Variants in SLC44A5 observed in about 807,000 individuals in gnomAD.
The protein encoded by SLC44A5 is solute carrier family 44 member 5, also known as choline transporter-like protein 5.
In SLC44A5, 57 loss-of-function variants were observed where a neutral mutation model predicts 101.8. That is an observed-to-expected ratio of 0.56 (90% CI 0.45 to 0.70). SLC44A5 has a LOEUF of 0.70. SLC44A5 is among the 30% of genes least tolerant of loss of function. SLC44A5 has a pLI of 0.00. For missense variants in SLC44A5, 737 were observed against 853.1 expected, an observed-to-expected ratio of 0.86 and a Z score of 1.70; for synonymous variants, 281 against 290.9, an observed-to-expected ratio of 0.97 and a Z score of 0.35.
chr1:75,620,935 T>C, the SLC44A5 span, among the ~76,000 whole-genome samples: 2 of 152,316 alleles, frequency 1.3e-5, no homozygotes, highest in East Asian at 3.9e-4. Flanking sequence ...TGGTACTGCC[T>C]ACATTTTTTT....
At chr1:75,687,314 C>A in the SLC44A5 span, among the ~76,000 whole-genome samples, 5 of 152,070 alleles carry the variant, frequency 3.3e-5, no homozygotes, top group African/African-American at 1.2e-4. Flanking sequence ...TTCCAGAAAT[C>A]TTTTTTTCAT....
intron 4 of SLC44A5, among the ~76,000 whole-genome samples, chr1:75,313,337 A>G (rs1655452036): frequency 1.3e-5 from 2 of 152,210 alleles, no homozygotes; most frequent in African/African-American, 4.8e-5. Context: ...ACCAGATCCT[A>G]TATTTGTCTC....
At chr1:75,297,798 A>AC (rs1654083021) in intron 5 of SLC44A5, among the ~76,000 whole-genome samples, 1 of 152,182 alleles carries the variant, frequency 6.6e-6, no homozygotes, top group African/African-American at 2.4e-5. Flanking sequence ...GATTACTTCT[A>AC]CCCAGACGCC....
chr1:75,709,250 T>C, the SLC44A5 span, among the ~76,000 whole-genome samples: 2 of 152,218 alleles, frequency 1.3e-5, no homozygotes, highest in African/African-American at 4.8e-5. Context: ...ATACTTCCAG[T>C]TCAACATCAG....
chr1:75,296,993 T>A (rs985352321), intron 5 of SLC44A5, among the ~76,000 whole-genome samples: 1 of 152,144 alleles, frequency 6.6e-6, no homozygotes, highest in African/African-American at 2.4e-5. Context: ...ACACTAATTA[T>A]CCCTGGGAGC....
At chr1:75,480,686 C>T (rs1368341909) in intron 2 of SLC44A5, among the ~76,000 whole-genome samples, 2 of 151,978 alleles carry the variant, frequency 1.3e-5, no homozygotes, top group Non-Finnish European at 2.9e-5. Flanking sequence ...CCTAGGAATC[C>T]ACCTTACAAG....
chr1:75,554,014 C>A (rs1672084626), intron 1 of SLC44A5, among the ~76,000 whole-genome samples: 1 of 152,094 alleles, frequency 6.6e-6, no homozygotes, highest in African/African-American at 2.4e-5. Context: ...ACAGCCACAG[C>A]TGGGATAAGA....
At chr1:75,664,915 C>T in the SLC44A5 span, among the ~76,000 whole-genome samples, 4 of 120,850 alleles carry the variant, frequency 3.3e-5, no homozygotes, top group Admixed American at 8.8e-5. Context: ...AGCAAGATTC[C>T]GTCTCAAAAA....
At chr1:75,410,199 A>G (rs1252574867) in intron 2 of SLC44A5, among the ~76,000 whole-genome samples, 1 of 152,146 alleles carries the variant, frequency 6.6e-6, no homozygotes, top group Non-Finnish European at 1.5e-5. Flanking sequence ...GTCCCAAAGC[A>G]GAGAAATATA....
chr1:75,276,815 A>C lies in SLC44A5; in HGVS notation c.176-1773T>G, dbSNP rs531164658. Among the ~76,000 whole-genome samples the C allele has an allele frequency of 9.2e-5, 14 of 152,272 alleles. No homozygotes were observed. In the South Asian group the frequency reaches 2.9e-3, roughly 32 times the overall value. On this transcript the variant is annotated intron_variant, in intron 5 of 23. Coordinates refer to ENST00000370859, the MANE Select transcript of SLC44A5 (RefSeq NM_001130058.2). ...GATGAGACGGAAGGGAGCAAAGCCA[A>C]TCAAGTGCATGTTAATGAGTGGAAT...
At chr1:75,297,436 C>T (rs1325319736) in intron 5 of SLC44A5, among the ~76,000 whole-genome samples, 2 of 152,184 alleles carry the variant, frequency 1.3e-5, no homozygotes, top group African/African-American at 4.8e-5. Context: ...AGGAGCACAC[C>T]ATGACACCTG....
the SLC44A5 span, among the ~76,000 whole-genome samples, chr1:75,697,061 A>T: frequency 1.3e-5 from 2 of 152,184 alleles, no homozygotes; most frequent in Non-Finnish European, 2.9e-5. Context: ...AGCTCATCAA[A>T]ATATGAGCCT....
chr1:75,541,058 T>C (rs1198996124), intron 2 of SLC44A5, among the ~76,000 whole-genome samples: 1 of 152,142 alleles, frequency 6.6e-6, no homozygotes, highest in Non-Finnish European at 1.5e-5. Context: ...CTGTTAAAAC[T>C]AAAAGATTCT....
the SLC44A5 span, among the ~76,000 whole-genome samples, chr1:75,689,425 A>G: frequency 6.6e-6 from 1 of 152,068 alleles, no homozygotes; most frequent in Non-Finnish European, 1.5e-5. Context: ...AAAGGGGGGA[A>G]CTCCACAAAT....
At chr1:75,624,811 T>C in the SLC44A5 span, among the ~76,000 whole-genome samples, 1 of 152,142 alleles carries the variant, frequency 6.6e-6, no homozygotes, top group Non-Finnish European at 1.5e-5. Context: ...TGATGTTCCT[T>C]TGAACACAGA....
intron 7 of SLC44A5, among the ~76,000 whole-genome samples, chr1:75,248,328 A>G (rs1649290439): frequency 6.6e-6 from 1 of 152,140 alleles, no homozygotes; most frequent in South Asian, 2.1e-4. Flanking sequence ...TTAGTAGAGA[A>G]GGAAAAAATG....
At chr1:75,716,959 G>A in the SLC44A5 span, among the ~76,000 whole-genome samples, 168 of 151,976 alleles carry the variant, frequency 1.1e-3, 1 homozygote, top group African/African-American at 3.8e-3. Context: ...GTTTGAACCC[G>A]GGAGGCAGAA....
chr1:75,439,032 G>A (rs944384324), intron 2 of SLC44A5, among the ~76,000 whole-genome samples: 7 of 152,234 alleles, frequency 4.6e-5, no homozygotes, highest in South Asian at 2.1e-4. Context: ...ACAACTTGAC[G>A]ATCCCCAGTG....
chr1:75,275,448 G>A (rs1458019062), intron 5 of SLC44A5, among the ~76,000 whole-genome samples: 1 of 152,124 alleles, frequency 6.6e-6, no homozygotes, highest in Non-Finnish European at 1.5e-5. Flanking sequence ...TTTGGGTTAT[G>A]CATAGGTGAA....
Sources: allele counts gnomAD v4.1 joint callset (sites outside exome capture counted in the v4.1 genomes callset), GRCh38; gene constraint gnomAD v4.1.1; transcripts MANE v1.5; gene names NCBI Gene and HGNC (gene_info 2026-07-23, HGNC 2026-07-21).